CSMD1: variants seen among roughly 807,000 people sequenced by gnomAD.
CSMD1 encodes CUB and Sushi multiple domains 1, also known as CUB and sushi domain-containing protein 1.
In CSMD1, 213 loss-of-function variants were observed where a neutral mutation model predicts 417.5. The observed-to-expected ratio is 0.51, with a 90% CI of 0.46 to 0.57. The LOEUF (loss-of-function observed/expected upper bound fraction) is 0.57. Among genes scored for constraint, CSMD1 ranks in the 20% least tolerant of loss-of-function variants. The probability of loss-of-function intolerance (pLI) is 0.00; values close to 1 mark genes in which losing one functional copy is unlikely to be tolerated. For synonymous variants in CSMD1, 2,862 were observed against 1,736.8 expected (o/e 1.65, Z -16.11); for missense variants, 6,923 against 4,529.7 (o/e 1.53, Z -15.17).
chr8:4,229,027 C>T lies in CSMD1; in HGVS notation c.415+190926G>A, dbSNP rs142661285. On this transcript the variant is annotated intron_variant, in intron 3 of 69. Coordinates refer to ENST00000635120, the MANE Select transcript of CSMD1 (RefSeq NM_033225.6). The stretch of plus-strand genomic sequence containing the variant: ...TCCATGAAATTGAGACACATATATC[C>T]GACTGTCTTCTCAACCACCTGGGAT... 1.1e-4 allele frequency among the ~76,000 whole-genome samples: 17 copies of T among 152,258 alleles called. 1 individual carries two copies. Among genetic ancestry groups the T allele is most frequent in the South Asian group, 4.2e-4 (2 of 4,818 alleles).
intron 3 of CSMD1, among the ~76,000 whole-genome samples, chr8:4,334,549 T>G (rs975275695): frequency 6.6e-6 from 1 of 152,150 alleles, no homozygotes; most frequent in African/African-American, 2.4e-5. Context: ...ACTCTCCAGA[T>G]AGTATGAAAG....
intron 2 of CSMD1, among the ~76,000 whole-genome samples, chr8:4,509,648 G>A (rs1802711639): frequency 1.3e-5 from 2 of 152,246 alleles, no homozygotes; most frequent in African/African-American, 4.8e-5. Flanking sequence ...TTTGTGAGGA[G>A]GAACAGTGCT....
At chr8:2,938,904 T>C (rs2128911303) in intron 69 of CSMD1, among the ~76,000 whole-genome samples, 160 bp from the exon 70 acceptor site, 1 of 152,310 alleles carries the variant, frequency 6.6e-6, no homozygotes, top group East Asian at 1.9e-4. Context: ...TGTCAGTTTA[T>C]TTGCTTAAAT....
chr8:4,672,340 G>T (rs1196661152), intron 1 of CSMD1, among the ~76,000 whole-genome samples: 5 of 152,148 alleles, frequency 3.3e-5, no homozygotes, highest in Admixed American at 6.6e-5. Flanking sequence ...AGGTGAGATG[G>T]GTTGGATGCT....
chr8:3,580,401 G>A (rs1214447717), intron 9 of CSMD1, among the ~76,000 whole-genome samples: 2 of 152,170 alleles, frequency 1.3e-5, no homozygotes, highest in East Asian at 1.9e-4. Context: ...TACCTGGGGG[G>A]AGGCGGATAC....
chr8:4,543,282 A>C (rs1797481527), intron 2 of CSMD1, among the ~76,000 whole-genome samples: 1 of 152,084 alleles, frequency 6.6e-6, no homozygotes, highest in African/African-American at 2.4e-5. Flanking sequence ...AAAGATCCCC[A>C]AAGCTTCACC....
At chr8:3,569,298 G>A (rs1341702017) in intron 10 of CSMD1, among the ~76,000 whole-genome samples, 1 of 152,108 alleles carries the variant, frequency 6.6e-6, no homozygotes. Context: ...GCATTATTAG[G>A]GAGATGCTAA....
intron 3 of CSMD1, among the ~76,000 whole-genome samples, chr8:4,038,666 C>A (rs1767598730): frequency 6.6e-6 from 1 of 152,120 alleles, no homozygotes; most frequent in African/African-American, 2.4e-5. Flanking sequence ...TTATTTATTT[C>A]CTGAGCCATT....
chr8:3,056,523 C>T (rs1812233683), intron 49 of CSMD1, among the ~76,000 whole-genome samples: 1 of 152,098 alleles, frequency 6.6e-6, no homozygotes, highest in Admixed American at 6.5e-5. Flanking sequence ...CCCAGGCCAC[C>T]ACGCCTGGCT....
chr8:4,990,673 T>G (rs1231160901), intron 1 of CSMD1, among the ~76,000 whole-genome samples: 1 of 152,188 alleles, frequency 6.6e-6, no homozygotes, highest in African/African-American at 2.4e-5. Flanking sequence ...TTTTTATTGC[T>G]GGATGGGGAT....
intron 49 of CSMD1, among the ~76,000 whole-genome samples, chr8:3,056,290 G>C (rs1392875276): frequency 6.6e-6 from 1 of 152,142 alleles, no homozygotes; most frequent in Non-Finnish European, 1.5e-5. Context: ...AACCCCACAT[G>C]GGATTTCTTC....
intron 7 of CSMD1, among the ~76,000 whole-genome samples, chr8:3,682,980 C>G (rs1360939286): frequency 2.6e-5 from 4 of 151,894 alleles, no homozygotes; most frequent in African/African-American, 7.3e-5. Flanking sequence ...GTCACTCATA[C>G]GTGGGAACTG....
intron 1 of CSMD1, among the ~76,000 whole-genome samples, chr8:4,690,340 G>C (rs117175293): frequency 6.6e-6 from 1 of 152,148 alleles, no homozygotes; most frequent in African/African-American, 2.4e-5. Flanking sequence ...AATTAAAACA[G>C]CTACTTCCCT....
At chr8:2,967,595 T>C (rs990895821) in intron 57 of CSMD1, among the ~76,000 whole-genome samples, 1 of 152,196 alleles carries the variant, frequency 6.6e-6, no homozygotes, top group African/African-American at 2.4e-5. Context: ...TTCTCCTTAG[T>C]ACTGTTGCAA....
At chr8:4,423,624 G>T (rs1009383984) in intron 2 of CSMD1, among the ~76,000 whole-genome samples, 1 of 152,038 alleles carries the variant, frequency 6.6e-6, no homozygotes, top group South Asian at 2.1e-4. Flanking sequence ...AAAGATATAG[G>T]TTACTTCCAA....
rs112727558 is a variant in CSMD1, at chr8:3,612,414, T to C, written c.1097+4296A>G. On this transcript the variant is annotated intron_variant, in intron 8 of 69. Coordinates refer to ENST00000635120, the MANE Select transcript of CSMD1 (RefSeq NM_033225.6). ...ATCTGACAAGTGTTAAGAAAATTAGTAGGGATCACAAAGCCTTGAACAACA... is the reference window on the plus strand; with the variant it reads ...ATCTGACAAGTGTTAAGAAAATTAGCAGGGATCACAAAGCCTTGAACAACA... Among the ~76,000 whole-genome samples the C allele has an allele frequency of 4.3e-3, 659 of 152,214 alleles. 5 individuals carry two copies. The highest frequency in any genetic ancestry group is 0.015 in the African/African-American group (629 of 41,562).
At chr8:4,788,538 G>A (rs1275270901) in intron 1 of CSMD1, 9 of 1,411,872 alleles carry the variant, frequency 6.4e-6, no homozygotes, top group East Asian at 2.3e-5. Flanking sequence ...TTGAACACAT[G>A]TATTTCCTTG....
intron 1 of CSMD1, among the ~76,000 whole-genome samples, chr8:4,770,321 T>A (rs999963028): frequency 2.0e-5 from 3 of 148,320 alleles, no homozygotes; most frequent in African/African-American, 7.3e-5. Context: ...AGCAACTATA[T>A]ATGTACATAG....
At chr8:4,878,977 G>A (rs547523279) in intron 1 of CSMD1, among the ~76,000 whole-genome samples, 2 of 152,028 alleles carry the variant, frequency 1.3e-5, no homozygotes, top group Admixed American at 6.6e-5. Context: ...GCAGGGAGAG[G>A]GGTCATGGGA....
Sources: allele counts gnomAD v4.1 joint callset (sites outside exome capture counted in the v4.1 genomes callset), GRCh38; gene constraint gnomAD v4.1.1; transcripts MANE v1.5; gene names NCBI Gene and HGNC (gene_info 2026-07-23, HGNC 2026-07-21).